Variants in MBOAT1 observed in about 807,000 individuals in gnomAD.
The protein encoded by MBOAT1 is membrane-bound glycerophospholipid O-acyltransferase 1.
In MBOAT1, 67 loss-of-function variants were observed where a neutral mutation model predicts 64.4. That is an observed-to-expected ratio of 1.04 (90% CI 0.85 to 1.27). MBOAT1 has a LOEUF of 1.27. Among genes scored for constraint, MBOAT1 ranks in the 50% most tolerant of loss-of-function variants. The pLI, the probability that MBOAT1 is intolerant of heterozygous loss-of-function variation, is 0.00. For synonymous variants in MBOAT1, 229 were observed against 218.9 expected (o/e 1.05, Z -0.41); for missense variants, 563 against 604.6 (o/e 0.93, Z 0.72).
intron 7 of MBOAT1, chr6:20,125,940 G>T (rs1330268431): frequency 4.8e-6 from 2 of 413,626 alleles, no homozygotes; most frequent in Admixed American, 3.2e-5. Flanking sequence ...AATAAATTGA[G>T]CATATTTGTA....
At chr6:20,121,761 T>G (rs1760498858) in intron 8 of MBOAT1, among the ~76,000 whole-genome samples, 1 of 151,968 alleles carries the variant, frequency 6.6e-6, no homozygotes, top group Non-Finnish European at 1.5e-5. Context: ...GGAAGGTGGG[T>G]GAGGCAGCAG....
At chr6:20,152,186 GCAT>G (rs1307966895) in intron 2 of MBOAT1, among the ~76,000 whole-genome samples, 1 of 151,898 alleles carries the variant, frequency 6.6e-6, no homozygotes, top group Non-Finnish European at 1.5e-5. Context: ...AATTACCTGG[GCAT>G]GGTGATGTGC....
chr6:20,149,512 C>T (rs944549575), intron 3 of MBOAT1, among the ~76,000 whole-genome samples: 2 of 152,104 alleles, frequency 1.3e-5, no homozygotes, highest in African/African-American at 4.8e-5. Context: ...CCTTTTCATC[C>T]TCTAGTTAAA....
At chr6:20,186,629 G>A (rs186287090) in intron 1 of MBOAT1, among the ~76,000 whole-genome samples, 1 of 152,302 alleles carries the variant, frequency 6.6e-6, no homozygotes, top group Non-Finnish European at 1.5e-5. Context: ...GCAGAGTCCT[G>A]GGGGAGGCTT....
chr6:20,109,513 T>C, intron 12 of MBOAT1, 85 bp downstream of exon 12: 1 of 1,506,730 alleles, frequency 6.6e-7, no homozygotes, highest in South Asian at 1.3e-5. Context: ...TTAGGACTGC[T>C]TCATTCAATT....
At chr6:20,142,872 G>C (rs2113679131) in intron 4 of MBOAT1, among the ~76,000 whole-genome samples, 1 of 152,316 alleles carries the variant, frequency 6.6e-6, no homozygotes, top group Admixed American at 6.5e-5. Context: ...AGATGCCTGA[G>C]GGTAAGAAGA....
intron 1 of MBOAT1, among the ~76,000 whole-genome samples, chr6:20,170,049 C>A (rs543300406): frequency 1.3e-5 from 2 of 152,276 alleles, no homozygotes; most frequent in South Asian, 4.1e-4. Context: ...TCCCTGGCAC[C>A]ACATTCCCAC....
intron 12 of MBOAT1, among the ~76,000 whole-genome samples, chr6:20,107,072 T>C (rs1449538965): frequency 7.9e-5 from 12 of 152,182 alleles, no homozygotes; most frequent in African/African-American, 2.9e-4. Flanking sequence ...TAAAGAACTT[T>C]TTAGTAACTC....
intron 4 of MBOAT1, among the ~76,000 whole-genome samples, chr6:20,139,277 G>A (rs9460457): frequency 0.091 from 13,769 of 152,020 alleles, 837 homozygotes; most frequent in Non-Finnish European, 0.11. Flanking sequence ...ACAGGCATGC[G>A]CCACCACGCC....
intron 1 of MBOAT1, among the ~76,000 whole-genome samples, chr6:20,200,879 C>T (rs2113769913): frequency 6.6e-6 from 1 of 152,296 alleles, no homozygotes; most frequent in Admixed American, 6.5e-5. Flanking sequence ...GGTGGGCAGT[C>T]AGCCAAGGTC....
chr6:20,146,982 T>C (rs1450068860), intron 3 of MBOAT1, among the ~76,000 whole-genome samples: 1 of 151,996 alleles, frequency 6.6e-6, no homozygotes, highest in Non-Finnish European at 1.5e-5. Flanking sequence ...CAGTGGGAGG[T>C]AATTGAATCA....
At chr6:20,112,123 T>C (rs907651085) in intron 11 of MBOAT1, among the ~76,000 whole-genome samples, 1 of 151,318 alleles carries the variant, frequency 6.6e-6, no homozygotes, top group Non-Finnish European at 1.5e-5. Context: ...GCATCAGAAA[T>C]AAGGAAGACC....
In MBOAT1 at chr6:20,161,335, T is replaced by G. The variant is rs111476171; in HGVS notation, c.100-8566A>C. On this transcript the variant is annotated intron_variant, in intron 1 of 12. Transcript: ENST00000324607. ...CCCTCTAACTCTACATTATGGTGAG[T>G]TGTATAATTATTTCATTATATATTA... 4.9e-4 allele frequency among the ~76,000 whole-genome samples: 75 copies of G among 151,794 alleles called. 1 individual carries two copies. Among genetic ancestry groups the G allele is most frequent in the African/African-American group, 1.8e-3 (75 of 41,356 alleles).
At chr6:20,125,446 C>T (rs1342288505) in intron 7 of MBOAT1, among the ~76,000 whole-genome samples, 2 of 152,206 alleles carry the variant, frequency 1.3e-5, no homozygotes, top group Non-Finnish European at 2.9e-5. Context: ...TGGATCCCAG[C>T]CCTTTCCCAG....
chr6:20,126,228 G>T (rs915542097), intron 7 of MBOAT1, among the ~76,000 whole-genome samples: 1 of 152,118 alleles, frequency 6.6e-6, no homozygotes, highest in African/African-American at 2.4e-5. Flanking sequence ...AACACCCATA[G>T]TATTCAAACG....
intron 5 of MBOAT1, 45 bp downstream of exon 5, chr6:20,131,099 T>C (rs1203116523): frequency 6.6e-7 from 1 of 1,525,674 alleles, no homozygotes; most frequent in Non-Finnish European, 9.1e-7. Context: ...GAGCTCTGCA[T>C]GTCAGGCTCA....
intron 1 of MBOAT1, among the ~76,000 whole-genome samples, chr6:20,153,539 C>A (rs1761589904): frequency 6.6e-6 from 1 of 152,234 alleles, no homozygotes; most frequent in Admixed American, 6.5e-5. Context: ...GCGAGTGACT[C>A]ACGTTCCCTG....
intron 1 of MBOAT1, among the ~76,000 whole-genome samples, chr6:20,198,227 CAAAAAAAAAAAAAAAG>C (rs1394848165): frequency 1.4e-4 from 17 of 125,614 alleles, no homozygotes; most frequent in Non-Finnish European, 2.7e-4. Flanking sequence ...GACTGTGTCT[CAAAAAAAAAAAAAAAG>C]AAAGAAAGAA....
chr6:20,155,690 C>G (rs1233477694), intron 1 of MBOAT1, among the ~76,000 whole-genome samples: 1 of 152,160 alleles, frequency 6.6e-6, no homozygotes, highest in African/African-American at 2.4e-5. Flanking sequence ...AGTTATAGCC[C>G]AGAAAAACAA....
Sources: gnomAD v4.1 joint callset for allele counts (sites outside exome capture counted in the v4.1 genomes callset) on GRCh38, gnomAD v4.1.1 for gene constraint, MANE v1.5 for transcripts, NCBI Gene and HGNC (gene_info 2026-07-23, HGNC 2026-07-21) for gene names.